Variants in KLRG1 observed in about 807,000 individuals in gnomAD.
KLRG1 encodes the protein killer cell lectin-like receptor subfamily G member 1.
In KLRG1, 16 loss-of-function variants were observed where a neutral mutation model predicts 21.8. The observed-to-expected ratio is 0.73, with a 90% CI of 0.50 to 1.11. KLRG1 has a LOEUF of 1.11. Ranked by LOEUF, KLRG1 falls within the 50% of genes most tolerant of loss-of-function variation. The pLI, the probability that KLRG1 is intolerant of heterozygous loss-of-function variation, is 0.00. For synonymous variants in KLRG1, 69 were observed against 75.9 expected (o/e 0.91, Z 0.47); for missense variants, 173 against 218.3 (o/e 0.79, Z 1.31).
chr12:9,026,005 C>T, the KLRG1 span, among the ~76,000 whole-genome samples: 77 of 152,272 alleles, frequency 5.1e-4, 2 homozygotes, highest in African/African-American at 1.8e-3. Context: ...GGCAGCCCTG[C>T]GAGCTTGGGT....
chr12:9,069,692 CT>C, the KLRG1 span: 1 of 1,440,772 alleles, frequency 6.9e-7, no homozygotes, highest in Non-Finnish European at 9.7e-7. Context: ...CAGATGTTCC[CT>C]TAGAGGATTA....
chr12:9,034,214 G>C, the KLRG1 span, among the ~76,000 whole-genome samples: 1 of 152,192 alleles, frequency 6.6e-6, no homozygotes, highest in African/African-American at 2.4e-5. Flanking sequence ...TAAGATTATA[G>C]CGAAGCTGAA....
the KLRG1 span, chr12:9,128,053 G>T: frequency 1.1e-4 from 25 of 224,544 alleles, no homozygotes; most frequent in African/African-American, 5.6e-4. Flanking sequence ...ATCAAGGCCT[G>T]CGCAGGGCGC....
the KLRG1 span, chr12:9,151,567 C>T: frequency 3.8e-6 from 6 of 1,567,422 alleles, no homozygotes; most frequent in Non-Finnish European, 3.5e-6. Flanking sequence ...GAAAGACGAC[C>T]CATATGTAGT....
downstream of KLRG1, among the ~76,000 whole-genome samples, chr12:9,015,181 A>G (rs188112598): frequency 1.9e-4 from 29 of 151,746 alleles, no homozygotes; most frequent in East Asian, 9.6e-4. Context: ...ATTGAATGTA[A>G]GTGAACTAAA....
the KLRG1 span, among the ~76,000 whole-genome samples, chr12:9,094,714 GTGT>G: frequency 1.3e-5 from 2 of 152,258 alleles, no homozygotes; most frequent in East Asian, 1.9e-4. Flanking sequence ...GGAGAATGTA[GTGT>G]TGTTGTGTGA....
At chr12:9,090,333 A>C in the KLRG1 span, 2 of 1,613,876 alleles carry the variant, frequency 1.2e-6, no homozygotes, top group Non-Finnish European at 1.7e-6. Context: ...GTAGAGAATT[A>C]TCTCTAGCAG....
intron 1 of KLRG1, among the ~76,000 whole-genome samples, chr12:8,951,880 T>C (rs1359533846): frequency 6.6e-6 from 1 of 152,144 alleles, no homozygotes; most frequent in Non-Finnish European, 1.5e-5. Context: ...TGCAATTGAG[T>C]AGGTTGATTA....
the KLRG1 span, among the ~76,000 whole-genome samples, chr12:9,174,930 T>C: frequency 6.6e-6 from 1 of 152,134 alleles, no homozygotes; most frequent in Non-Finnish European, 1.5e-5. Flanking sequence ...TAAACTACCA[T>C]TGACATTCTT....
chr12:8,980,554 G>A (rs2137286777), intron 1 of KLRG1, among the ~76,000 whole-genome samples: 1 of 152,302 alleles, frequency 6.6e-6, no homozygotes, highest in Admixed American at 6.5e-5. Context: ...TGAGGTGCAT[G>A]GTGCACTGGG....
chr12:9,169,030 A>C, the KLRG1 span: 5 of 1,303,206 alleles, frequency 3.8e-6, no homozygotes, highest in Non-Finnish European at 5.5e-6. Context: ...TATATAAAAC[A>C]TATTATCCTT....
At chr12:8,961,752 T>C (rs976984194) in intron 1 of KLRG1, among the ~76,000 whole-genome samples, 8 of 152,096 alleles carry the variant, frequency 5.3e-5, no homozygotes, top group African/African-American at 1.9e-4. Flanking sequence ...TATCTGGCAC[T>C]CTGTAGCATA....
intron 1 of KLRG1, among the ~76,000 whole-genome samples, chr12:8,978,680 C>CTT (rs1946702912): frequency 8.0e-6 from 1 of 124,500 alleles, no homozygotes; most frequent in South Asian, 2.6e-4. Flanking sequence ...TTCTTTCTTT[C>CTT]TTTCTTTCTT....
the KLRG1 span, chr12:9,109,749 A>G: frequency 2.0e-6 from 2 of 991,762 alleles, no homozygotes; most frequent in Non-Finnish European, 3.0e-6. Flanking sequence ...AATTAATTCT[A>G]CTCCAAGCCC....
the KLRG1 span, among the ~76,000 whole-genome samples, chr12:9,075,265 G>A: frequency 6.6e-5 from 10 of 152,238 alleles, no homozygotes; most frequent in Middle Eastern, 3.4e-3. Context: ...GAAACAATGG[G>A]AACCAATATA....
chr12:9,021,638 A>C, the KLRG1 span, among the ~76,000 whole-genome samples: 1 of 151,766 alleles, frequency 6.6e-6, no homozygotes, highest in Non-Finnish European at 1.5e-5. Context: ...TGTACAAAAT[A>C]TTTTTCTTTA....
the KLRG1 span, among the ~76,000 whole-genome samples, chr12:9,023,123 A>T: frequency 6.6e-6 from 1 of 152,240 alleles, no homozygotes; most frequent in African/African-American, 2.4e-5. Flanking sequence ...AGTCAGTCAG[A>T]AACTCAGGCC....
At chr12:9,038,828 C>T in the KLRG1 span, among the ~76,000 whole-genome samples, 1 of 151,332 alleles carries the variant, frequency 6.6e-6, no homozygotes, top group Non-Finnish European at 1.5e-5. Context: ...GATTCTCCAC[C>T]CAGGAGGTGG....
At chr12:9,132,862 G>A in the KLRG1 span, among the ~76,000 whole-genome samples, 1 of 152,164 alleles carries the variant, frequency 6.6e-6, no homozygotes, top group Admixed American at 6.5e-5. Context: ...ATGATTAGAT[G>A]TATATCCAAT....
Sources: allele counts gnomAD v4.1 joint callset (sites outside exome capture counted in the v4.1 genomes callset), GRCh38; gene constraint gnomAD v4.1.1; transcripts MANE v1.5; gene names NCBI Gene and HGNC (gene_info 2026-07-23, HGNC 2026-07-21).